The following CCNB1 variants were observed in gnomAD, a reference collection of about 807,000 sequenced individuals.
The protein encoded by CCNB1 is cyclin B1, also known as G2/mitotic-specific cyclin-B1.
In CCNB1, 26 loss-of-function variants were observed where a neutral mutation model predicts 44.4. The ratio of observed to expected loss-of-function variants is 0.59; its 90% CI spans 0.43 to 0.81. The LOEUF (loss-of-function observed/expected upper bound fraction) is 0.81. Among genes scored for constraint, CCNB1 ranks in the 40% least tolerant of loss-of-function variants. The pLI, the probability that CCNB1 is intolerant of heterozygous loss-of-function variation, is 0.00. For synonymous variants in CCNB1, 195 were observed against 181.4 expected (o/e 1.08, Z -0.60); for missense variants, 477 against 520.9 (o/e 0.92, Z 0.82).
intron 7 of CCNB1, 123 bp downstream of exon 7, chr5:69,175,660 TA>T (rs1367185111): frequency 1.1e-6 from 1 of 906,852 alleles, no homozygotes; most frequent in African/African-American, 1.7e-5. Flanking sequence ...AAGGAATAGT[TA>T]AAAAAGATGT....
Position 69,175,685 on chromosome 5 carries a change from C to T in CCNB1, c.1083+148C>T, listed in dbSNP as rs1014695112. On this transcript the variant is annotated intron_variant, in intron 7 of 8. Transcript: ENST00000256442. ...TAAAAAAGATGTCTTAGAATGTTTC[C>T]ACATCTTTTTGTTTTTGAGACAAGG... 15 of 830,278 alleles carry T rather than the reference C, an allele frequency of 1.8e-5. No homozygotes were observed. The African/African-American group carries it at 2.2e-4, about 12-fold the overall frequency. 51.4% of individuals were successfully genotyped at this position (830,278 alleles called of 1,614,324 possible).
intron 3 of CCNB1, 131 bp from the exon 4 acceptor site, chr5:69,171,139 C>T: frequency 1.6e-6 from 1 of 617,408 alleles, no homozygotes; most frequent in South Asian, 2.3e-5. Context: ...AGATACTTTT[C>T]CTTTAAGGAA....
chr5:69,177,109 T>C (rs1401808703), intron 7 of CCNB1, 130 bp from the exon 8 acceptor site: 2 of 532,552 alleles, frequency 3.8e-6, no homozygotes. Flanking sequence ...TTTAGCTTTG[T>C]CTTAAATTTC....
chr5:69,174,460 AG>A (rs1292804681), intron 5 of CCNB1, 51 bp downstream of exon 5: 3 of 1,575,912 alleles, frequency 1.9e-6, no homozygotes, highest in Admixed American at 3.4e-5. Flanking sequence ...CCGAGTCATA[AG>A]AAACTGATGT....
intron 5 of CCNB1, 107 bp downstream of exon 5, chr5:69,174,516 C>T (rs915924262): frequency 3.2e-5 from 33 of 1,025,394 alleles, no homozygotes; most frequent in South Asian, 6.0e-5. Flanking sequence ...GTAATCCCAG[C>T]GGGCGGGTGG....
Position 69,168,225 on chromosome 5 carries a change from C to T in CCNB1, c.245C>T (p.Pro82Leu). 6.2e-7 allele frequency: 1 copy of T among 1,614,178 alleles called. No individual in the cohort carries two copies. The highest frequency in any genetic ancestry group is 8.5e-7 in the Non-Finnish European group (1 of 1,180,028). ...GTCATTGATAAAAAACTACCAAAAC[C>T]TCTTGAAAAGGTACCTATGCTGGTG... The part of the protein sequence containing the change: ...GKVIDKKLPK[P>L]LEKVPMLVPV... Residue 82 changes from proline to leucine, a missense_variant, in exon 3 of 9, where the codon CCT (proline) becomes CTT (leucine). By Grantham distance (98) the Pro-to-Leu change is moderately conservative. Transcript: ENST00000256442.
In CCNB1 at chr5:69,177,227, T is replaced by A. The variant is rs926602927; in HGVS notation, c.1084-12T>A. On this transcript the variant is annotated splice_polypyrimidine_tract_variant and intron_variant, in intron 7 of 8. Transcript: ENST00000256442. Reference sequence around the variant, plus strand: ...TGATTTGAGCATTTTTAACATTAACTTGTTGCCTTAGACACCAACTCTACA... The same window carrying A: ...TGATTTGAGCATTTTTAACATTAACATGTTGCCTTAGACACCAACTCTACA... The A allele has an allele frequency of 1.4e-6, 2 of 1,445,982 alleles. No homozygotes were observed. The highest frequency in any genetic ancestry group is 1.7e-5 in the Admixed American group (1 of 57,192). The allele number at this position is 1,445,982 out of a possible 1,614,324, so 89.6% of individuals were successfully genotyped here.
At chr5:69,174,540 GA>G in intron 5 of CCNB1, 131 bp downstream of exon 5, 1 of 844,840 alleles carries the variant, frequency 1.2e-6, no homozygotes, top group Non-Finnish European at 1.9e-6. Context: ...ACAAGGTTAG[GA>G]GATCGAGACC....
Position 69,174,375 on chromosome 5 carries a change from A to T in CCNB1, c.671A>T (p.Tyr224Phe). The T allele has an allele frequency of 6.2e-7, 1 of 1,614,146 alleles. No homozygotes were observed. The highest frequency in any genetic ancestry group is 8.5e-7 in the Non-Finnish European group (1 of 1,179,974). ...MKFRLLQETM[Y>F]MTVSIIDRFM... The stretch of plus-strand genomic sequence containing the variant: ...TTCAGGTTGTTGCAGGAGACCATGT[A>T]CATGACTGTCTCCATTATTGATCGG... The change falls in exon 5 of 9, where the codon TAC (tyrosine) becomes TTC (phenylalanine). Residue 224 changes from tyrosine (Y) to phenylalanine (F), a missense_variant. Tyr to Phe is a conservative substitution (Grantham distance 22, BLOSUM62 3). Coordinates refer to ENST00000256442, the MANE Select transcript of CCNB1 (RefSeq NM_031966.4).
intron 7 of CCNB1, 60 bp downstream of exon 7, chr5:69,175,597 A>G (rs1295341146): frequency 2.0e-6 from 3 of 1,516,748 alleles, no homozygotes; most frequent in Admixed American, 3.9e-5. Flanking sequence ...CTAAATACAG[A>G]ACTTTTGTTA....
intron 1 of CCNB1, 64 bp from the exon 2 acceptor site, chr5:69,167,843 TA>T: frequency 7.0e-7 from 1 of 1,437,162 alleles, no homozygotes; most frequent in Non-Finnish European, 9.4e-7. Context: ...TGCCCCACCT[TA>T]ATTAACCCTT....
rs1318710522 is a variant in CCNB1 at position 69,168,085 on chromosome 5, C to T, written c.192+7C>T. The T allele has an allele frequency of 6.2e-7, 1 of 1,612,566 alleles. No homozygotes were observed. The highest frequency in any genetic ancestry group is 8.5e-7 in the Non-Finnish European group (1 of 1,179,284). On this transcript the variant is annotated splice_region_variant and intron_variant, in intron 2 of 8. Transcript: ENST00000256442. ...CAAAATGCCTATGAAGAAGGTAACT[C>T]TCTTCCTGACCTAACTTCTGTAAGA...
In CCNB1 at chr5:69,174,417, T is replaced by C. The variant is rs1747533475; in HGVS notation, c.705+8T>C. 6.2e-7 allele frequency: 1 copy of C among 1,612,662 alleles called. No individual in the cohort carries two copies. Among genetic ancestry groups the C allele is most frequent in the Non-Finnish European group, 8.5e-7 (1 of 1,179,406 alleles). On this transcript the variant is annotated splice_region_variant and intron_variant, in intron 5 of 8. Transcript: ENST00000256442. ...ATTGATCGGTTCATGCAGGTGAGCATTTCAGTAAGAGTTTTCCCTTCCAGG... is the reference window on the plus strand; with the variant it reads ...ATTGATCGGTTCATGCAGGTGAGCACTTCAGTAAGAGTTTTCCCTTCCAGG...
rs1300355561 is a variant in CCNB1, at chr5:69,177,566, A to G, written c.1237A>G (p.Ser413Gly). 4.3e-6 allele frequency: 7 copies of G among 1,613,780 alleles called. No individual in the cohort carries two copies. The highest frequency in any genetic ancestry group is 5.9e-6 in the Non-Finnish European group (7 of 1,179,784). The stretch of plus-strand genomic sequence containing the variant: ...TGCCACATCGAAGCATGCTAAGATC[A>G]GCACTCTACCACAGCTGAATTCTGC... ...KYATSKHAKISTLPQLNSALV... is the reference protein window; with the variant it reads ...KYATSKHAKIGTLPQLNSALV... The change falls in exon 9 of 9, where the codon AGC becomes GGC. Residue 413 changes from serine to glycine, a missense_variant. Physicochemically the swap from Ser to Gly is moderately conservative, Grantham distance 56. Transcript: ENST00000256442.
intron 7 of CCNB1, among the ~76,000 whole-genome samples, chr5:69,176,362 T>C (rs1286126273): frequency 6.6e-6 from 1 of 151,210 alleles, no homozygotes; most frequent in Admixed American, 6.6e-5. Flanking sequence ...CCTAGGTCTT[T>C]TTTTGTTTTT....
In CCNB1 at chr5:69,177,525, C is replaced by T; in HGVS notation, c.1196C>T (p.Thr399Ile). ...AATTGCTATCTTTTTGTCTTCCAGA[C>T]TGTCAAGAACAAGTATGCCACATCG... ...MVNQGLTKHM[T>I]VKNKYATSKH... is the part of the protein sequence containing the mutation. The change falls in exon 9 of 9, where the codon ACT (threonine) becomes ATT (isoleucine). Residue 399 changes from threonine (T) to isoleucine (I), a missense_variant and splice_region_variant. By Grantham distance (89) the Thr-to-Ile change is moderately conservative. Coordinates refer to ENST00000256442, the MANE Select transcript of CCNB1 (RefSeq NM_031966.4). 1 of 1,602,220 alleles carries T rather than the reference C, an allele frequency of 6.2e-7. No individual in the cohort carries two copies. The highest frequency in any genetic ancestry group is 1.3e-5 in the African/African-American group (1 of 74,732).
chr5:69,175,304 A>G, intron 6 of CCNB1, 93 bp from the exon 7 acceptor site: 1 of 1,226,668 alleles, frequency 8.2e-7, no homozygotes, highest in South Asian at 1.4e-5. Context: ...GTTTGTAGAC[A>G]AACATTTGTA....
intron 4 of CCNB1, among the ~76,000 whole-genome samples, chr5:69,173,772 T>C (rs1747515927): frequency 6.8e-6 from 1 of 147,224 alleles, no homozygotes; most frequent in East Asian, 1.9e-4. Context: ...CTTTTTTTTC[T>C]TTTTTTTTTG....
Position 69,173,761 on chromosome 5 carries a change from CCTTTTTTTT to C in CCNB1, c.547-480_547-472del, listed in dbSNP as rs534049370. Among the ~76,000 whole-genome samples the C allele has an allele frequency of 7.9e-5, 12 of 152,096 alleles. No homozygotes were observed. In the South Asian group the frequency reaches 2.5e-3, roughly 32 times the overall value. The stretch of plus-strand genomic sequence containing the variant: ...GTCATACTGTCCTATCTAATGTTTG[CCTTTTTTTT>C]CTTTTTTTTTTGGGGTGGGGAGACA... On this transcript the variant is annotated intron_variant, in intron 4 of 8. Coordinates refer to ENST00000256442, the MANE Select transcript of CCNB1 (RefSeq NM_031966.4).
Sources: allele counts gnomAD v4.1 joint callset (sites outside exome capture counted in the v4.1 genomes callset), GRCh38; gene constraint gnomAD v4.1.1; transcripts MANE v1.5; gene names NCBI Gene and HGNC (gene_info 2026-07-23, HGNC 2026-07-21).